The following TEPSIN variants were observed in gnomAD, a reference collection of about 807,000 sequenced individuals.
TEPSIN encodes AP-4 complex accessory subunit tepsin.
In TEPSIN, 50 loss-of-function variants were observed where a neutral mutation model predicts 48.5. That is an observed-to-expected ratio of 1.03 (90% CI 0.82 to 1.31). The LOEUF is 1.31. Ranked by LOEUF, TEPSIN falls within the 50% of genes most tolerant of loss-of-function variation. The pLI, the probability that TEPSIN is intolerant of heterozygous loss-of-function variation, is 0.00. For missense variants in TEPSIN, 838 were observed against 815.9 expected (o/e 1.03, Z -0.33); for synonymous variants, 392 against 358.8 (o/e 1.09, Z -1.05).
chr17:81,231,974 C>T lies in TEPSIN; in HGVS notation c.778G>A (p.Asp260Asn). ...GQAGGGWDEL[D>N]SGPSSQNSSQ... Reference sequence around the variant, plus strand: ...GAATTCTGAGAGCTGGGGCCGCTGTCCAGCTCATCCCAGCCCCCTCCGGCC... The same window carrying T: ...GAATTCTGAGAGCTGGGGCCGCTGTTCAGCTCATCCCAGCCCCCTCCGGCC... The change falls in exon 9 of 13, where the codon GAC becomes AAC. Residue 260 changes from aspartate to asparagine, a missense_variant. Coordinates refer to ENST00000637944, the MANE Select transcript of TEPSIN (RefSeq NM_001363764.2). The T allele has an allele frequency of 1.2e-6, 2 of 1,612,740 alleles. No homozygotes were observed. Among genetic ancestry groups the T allele is most frequent in the Non-Finnish European group, 1.7e-6 (2 of 1,179,984 alleles).
rs1305764122 is a variant in TEPSIN at position 81,230,115 on chromosome 17, T to C, written c.1233+429A>G. ...TGTGATTCCAGTGGCCGCCAGGCAG[T>C]TCAGAGTGTTCAAGTGCACAGAGAT... On this transcript the variant is annotated intron_variant, in intron 12 of 12. Transcript: ENST00000637944. This position sits in a 1 kb window ranked among gnomAD's most constrained non-coding sequence, Gnocchi z 4.2. 1 of 179,150 alleles carries C rather than the reference T, an allele frequency of 5.6e-6. No individual in the cohort carries two copies. The highest frequency in any genetic ancestry group is 1.2e-5 in the Non-Finnish European group (1 of 85,556). 11.1% of individuals were successfully genotyped at this position (179,150 alleles called of 1,614,324 possible). A position where few individuals can be genotyped will look rare whatever the true frequency, so the allele number is the denominator to read the frequency against.
At chr17:81,231,079 G>A in intron 11 of TEPSIN, 9 of 493,772 alleles carry the variant, frequency 1.8e-5, no homozygotes, top group East Asian at 3.5e-5. Flanking sequence ...TCATGTGCAT[G>A]CACACACACA....
rs2062676100 is a variant in TEPSIN, at chr17:81,234,005, G to A, written c.351C>T (p.Tyr117=). 2 of 1,598,088 alleles carry A rather than the reference G, an allele frequency of 1.3e-6. No individual in the cohort carries two copies. Among genetic ancestry groups the A allele is most frequent in the East Asian group, 4.5e-5 (2 of 44,492 alleles). ...CCTGCGCGGCCGCGCGAACCTTCTG[G>A]TACAAGCTGTTCCCGTGCAGAGGAT... ...PPDPLHGNSL[Y]QKVRAAAQDL... Residue 117 remains tyrosine, a synonymous_variant, in exon 5 of 13, where the codon TAC becomes TAT. Coordinates refer to ENST00000637944, the MANE Select transcript of TEPSIN (RefSeq NM_001363764.2). The surrounding 1 kb of genome is among the most constrained non-coding windows in gnomAD (Gnocchi z 5.4).
In TEPSIN at chr17:81,230,497, C is replaced by G. The variant is rs1473840777; in HGVS notation, c.1233+47G>C. The G allele has an allele frequency of 7.5e-6, 12 of 1,603,834 alleles. No individual in the cohort carries two copies. The highest frequency in any genetic ancestry group is 2.7e-5 in the African/African-American group (2 of 74,556). On this transcript the variant is annotated intron_variant, in intron 12 of 12. Transcript: ENST00000637944. This position sits in a 1 kb window ranked among gnomAD's most constrained non-coding sequence, Gnocchi z 4.2. ...GCCGTGGACTGCAGCGTATCTCCCACTGTACCCTTGGACCCCGGTGTGCGT... is the reference window on the plus strand; with the variant it reads ...GCCGTGGACTGCAGCGTATCTCCCAGTGTACCCTTGGACCCCGGTGTGCGT...
intron 10 of TEPSIN, 46 bp downstream of exon 10, chr17:81,231,532 C>CA: frequency 6.3e-7 from 1 of 1,590,484 alleles, no homozygotes; most frequent in Non-Finnish European, 8.6e-7. Flanking sequence ...CTCCCTCGCC[C>CA]ACGGTTGGGG....
chr17:81,238,613 A>G, intron 1 of TEPSIN: 1 of 1,109,996 alleles, frequency 9.0e-7, no homozygotes, highest in Non-Finnish European at 1.1e-6. Flanking sequence ...ACCGTCAGGG[A>G]GGACGGCGGG....
At position 81,233,913 on chromosome 17, in the gene TEPSIN, C is replaced by T. The variant is rs1598356715; in HGVS notation, c.375+68G>A. On this transcript the variant is annotated intron_variant, in intron 5 of 12. Coordinates refer to ENST00000637944, the MANE Select transcript of TEPSIN (RefSeq NM_001363764.2). This position sits in a 1 kb window ranked among gnomAD's most constrained non-coding sequence, Gnocchi z 5.8. ...AACTGCAAACCCCCCAGCTGACATC[C>T]TGGCCCCAATCCCACCCCTCTACAG... 6.6e-7 allele frequency: 1 copy of T among 1,518,686 alleles called. No homozygotes were observed. The highest frequency in any genetic ancestry group is 1.2e-5 in the South Asian group (1 of 81,162). The allele number at this position is 1,518,686 out of a possible 1,614,324, so 94.1% of individuals were successfully genotyped here. A position where few individuals can be genotyped will look rare whatever the true frequency, so the allele number is the denominator to read the frequency against.
At position 81,232,449 on chromosome 17, in the gene TEPSIN, G is replaced by C. The variant is rs768957322; in HGVS notation, c.596C>G (p.Pro199Arg). 515 of 1,535,718 alleles carry C rather than the reference G, an allele frequency of 3.4e-4. 2 individuals are homozygous for C. Among genetic ancestry groups the C allele is most frequent in the Middle Eastern group, 3.4e-4 (2 of 5,938 alleles). ...AAEVVASAMR[P>R]GPESPSTRRL... ...CCGGGTACTGGGACTCTCGGGCCCGGGGCGCATGGCGCTGGCCACCACCTC... is the reference window on the plus strand; with the variant it reads ...CCGGGTACTGGGACTCTCGGGCCCGCGGCGCATGGCGCTGGCCACCACCTC... The change falls in exon 8 of 13, where the codon CCC becomes CGC. Residue 199 changes from proline (P) to arginine (R), a missense_variant. Physicochemically the swap from Pro to Arg is moderately radical, Grantham distance 103 (BLOSUM62 -2). Coordinates refer to ENST00000637944, the MANE Select transcript of TEPSIN (RefSeq NM_001363764.2).
chr17:81,233,068 T>C lies in TEPSIN; in HGVS notation c.526+364A>G. ...CTGGCGCTGGTGAGCAGTTGTCCAC[T>C]GGTACTGCCCCACCTCATAACAGCT... On this transcript the variant is annotated intron_variant, in intron 7 of 12. Transcript: ENST00000637944. This position sits in a 1 kb window ranked among gnomAD's most constrained non-coding sequence, Gnocchi z 5.8. 3.1e-6 allele frequency: 1 copy of C among 327,500 alleles called. No homozygotes were observed. Among genetic ancestry groups the C allele is most frequent in the African/African-American group, 2.2e-5 (1 of 46,136 alleles). The allele number at this position is 327,500 out of a possible 1,614,324, so 20.3% of individuals were successfully genotyped here. A position where few individuals can be genotyped will look rare whatever the true frequency, so the allele number is the denominator to read the frequency against.
chr17:81,233,639 T>C lies in TEPSIN; in HGVS notation c.453A>G (p.Thr151=), dbSNP rs2062665247. 6.3e-7 allele frequency: 1 copy of C among 1,598,530 alleles called. No homozygotes were observed. The highest frequency in any genetic ancestry group is 8.5e-7 in the Non-Finnish European group (1 of 1,174,370). Residue 151 remains threonine (T), a splice_region_variant and synonymous_variant, in exon 6 of 13, where the codon ACA becomes ACG. Transcript: ENST00000637944. The surrounding 1 kb of genome is among the most constrained non-coding windows in gnomAD (Gnocchi z 5.8). ...GACACGGTCCCCTCAGTCACCTACCTGTGGCAGGCGGGGTCCCCAGAGGCT... is the reference window on the plus strand; with the variant it reads ...GACACGGTCCCCTCAGTCACCTACCCGTGGCAGGCGGGGTCCCCAGAGGCT... ...PSQPLGTPPA[T]GMGSQARPHS...
intron 4 of TEPSIN, among the ~76,000 whole-genome samples, chr17:81,236,115 C>A (rs1046010374): frequency 3.9e-5 from 6 of 152,232 alleles, no homozygotes; most frequent in Non-Finnish European, 7.3e-5. Context: ...GCCAAGCCCC[C>A]ACAAGTCCTC....
Position 81,236,986 on chromosome 17 carries a change from C to A in TEPSIN, c.207G>T (p.Lys69Asn), listed in dbSNP as rs1306173655. 1.9e-6 allele frequency: 3 copies of A among 1,580,278 alleles called. No homozygotes were observed. Among genetic ancestry groups the A allele is most frequent in the Non-Finnish European group, 1.7e-6 (2 of 1,162,668 alleles). ...SRLHSSSGHG[K>N]LKVLKILLYL... ...TGACCACCCAGGGGCTCACCTTGAG[C>A]TTCCCGTGGCCGGAGCTGCTGTGCA... The change falls in exon 3 of 13, where the codon AAG becomes AAT. Residue 69 changes from lysine (K) to asparagine (N), a missense_variant. Coordinates refer to ENST00000637944, the MANE Select transcript of TEPSIN (RefSeq NM_001363764.2).
rs745778838 is a variant in TEPSIN, at chr17:81,231,864, C to A, written c.888G>T (p.Pro296=). 6.2e-7 allele frequency: 1 copy of A among 1,613,336 alleles called. No individual in the cohort carries two copies. The highest frequency in any genetic ancestry group is 8.5e-7 in the Non-Finnish European group (1 of 1,180,000). Residue 296 remains proline, a synonymous_variant, in exon 9 of 13, where the codon CCG becomes CCT. Coordinates refer to ENST00000637944, the MANE Select transcript of TEPSIN (RefSeq NM_001363764.2). The stretch of plus-strand genomic sequence containing the variant: ...CCGCTCACCTTTCTGCCAGGTCACC[C>A]GGCTCCCGGCTGGCCCCTGAATGGC... ...SDSHSGASRE[P]GDLAERVEVV... is the part of the protein sequence containing the mutation.
rs1247082155 is a variant in TEPSIN at position 81,237,008 on chromosome 17, T to C, written c.185A>G (p.His62Arg). 2.5e-6 allele frequency: 4 copies of C among 1,594,502 alleles called. No homozygotes were observed. The Admixed American group carries it at 6.9e-5, about 28-fold the overall frequency. Residue 62 changes from histidine to arginine, a missense_variant, in exon 3 of 13, where the codon CAC becomes CGC. His to Arg is a conservative substitution (Grantham distance 29, BLOSUM62 0). Transcript: ENST00000637944. ...CLLEYLLSRLHSSSGHGKLKV... is the reference protein window; with the variant it reads ...CLLEYLLSRLRSSSGHGKLKV... ...GAGCTTCCCGTGGCCGGAGCTGCTG[T>C]GCAGGCGGCTCAGGAGGTACTCCAG...
Position 81,233,873 on chromosome 17 carries a change from G to A in TEPSIN, c.375+108C>T. 7.2e-7 allele frequency: 1 copy of A among 1,383,514 alleles called. No homozygotes were observed. Among genetic ancestry groups the A allele is most frequent in the Admixed American group, 2.7e-5 (1 of 37,666 alleles). 85.7% of individuals were successfully genotyped at this position (1,383,514 alleles called of 1,614,324 possible). A position where few individuals can be genotyped will look rare whatever the true frequency, so the allele number is the denominator to read the frequency against. On this transcript the variant is annotated intron_variant, in intron 5 of 12. Transcript: ENST00000637944. The surrounding 1 kb of genome is among the most constrained non-coding windows in gnomAD (Gnocchi z 5.8). ...TCCACCAGCAAGGAGCAGAGGCAGG[G>A]GTCCCGGATGGGAGAACTGCAAACC... is the stretch of plus-strand genomic sequence containing the variant.
At position 81,238,981 on chromosome 17, in the gene TEPSIN, C is replaced by T; in HGVS notation, c.48+5G>A. 1 of 1,474,200 alleles carries T rather than the reference C, an allele frequency of 6.8e-7. No individual in the cohort carries two copies. The highest frequency in any genetic ancestry group is 8.9e-7 in the Non-Finnish European group (1 of 1,119,258). 91.3% of individuals were successfully genotyped at this position (1,474,200 alleles called of 1,614,324 possible). On this transcript the variant is annotated splice_donor_5th_base_variant and intron_variant, in intron 1 of 12. Transcript: ENST00000637944. ...CCGGGGCCCGGGCGGACCGCCCTCACTCACCCGGTGTAGAAAGCTCAGGCG... is the reference window on the plus strand; with the variant it reads ...CCGGGGCCCGGGCGGACCGCCCTCATTCACCCGGTGTAGAAAGCTCAGGCG...
Position 81,233,673 on chromosome 17 carries a change from G to C in TEPSIN, c.419C>G (p.Ala140Gly). 2 of 1,600,424 alleles carry C rather than the reference G, an allele frequency of 1.2e-6. No homozygotes were observed. The highest frequency in any genetic ancestry group is 1.7e-6 in the Non-Finnish European group (2 of 1,175,846). The change falls in exon 6 of 13, where the codon GCT becomes GGT. Residue 140 changes from alanine (A) to glycine (G), a missense_variant. By Grantham distance (60) the Ala-to-Gly change is moderately conservative. Transcript: ENST00000637944. This position sits in a 1 kb window ranked among gnomAD's most constrained non-coding sequence, Gnocchi z 5.8. ...CGGGGTCCCCAGAGGCTGGGAGGGA[G>C]CCAGCGGCAACACGGTGTCCGAGAA... Reference protein sequence around the residue: ...TLFSDTVLPLAPSQPLGTPPA... With the variant: ...TLFSDTVLPLGPSQPLGTPPA...
At position 81,229,387 on chromosome 17, in the gene TEPSIN, GC is replaced by G. The variant is rs1180362123; in HGVS notation, c.1322del (p.Gly441AlafsTer6). Reference protein sequence around the residue: ...AEPGPTAALPGPSDLLTDAVP... With the variant: ...AEPGPTAALPXPSDLLTDAVP... ...CAGCGTCGGTCAGCAGGTCAGATGG[GC>G]CTGGGAGGGCGGCTGTGGGGCCAGG... On this transcript the variant is annotated frameshift_variant, in exon 13 of 13. Transcript: ENST00000637944. LOFTEE classifies it low-confidence loss of function (END_TRUNC). 1.2e-5 allele frequency: 19 copies of G among 1,553,274 alleles called. No individual in the cohort carries two copies. Among genetic ancestry groups the G allele is most frequent in the Non-Finnish European group, 4.4e-6 (5 of 1,149,010 alleles).
At chr17:81,231,208 C>A (rs1468368018) in intron 11 of TEPSIN, 190 bp downstream of exon 11, 1 of 623,018 alleles carries the variant, frequency 1.6e-6, no homozygotes, top group Non-Finnish European at 2.8e-6. Context: ...TGTGTACACA[C>A]ACAGGCATAC....
Sources: allele counts gnomAD v4.1 joint callset (sites outside exome capture counted in the v4.1 genomes callset), GRCh38; gene constraint gnomAD v4.1.1; non-coding constraint Gnocchi (gnomAD v3.1); transcripts MANE v1.5; gene names NCBI Gene and HGNC (gene_info 2026-07-23, HGNC 2026-07-21).